STXBP3: variants seen among roughly 807,000 people sequenced by gnomAD.
The protein encoded by STXBP3 is syntaxin-binding protein 3.
STXBP3 carries 41 observed loss-of-function variants against 85.7 expected under a neutral mutation model. The observed-to-expected ratio is 0.48, with a 90% confidence interval of 0.37 to 0.62. The LOEUF is 0.62. Ranked by LOEUF, STXBP3 falls within the 20% of genes least tolerant of loss-of-function variation. STXBP3 has a pLI of 0.00. For missense variants in STXBP3, 563 were observed against 703.1 expected (o/e 0.80, Z 2.25); for synonymous variants, 229 against 231.7 (o/e 0.99, Z 0.10).
In STXBP3 at chr1:108,757,942, T is replaced by C. The variant is rs529636738; in HGVS notation, c.259-568T>C. 1.2e-4 allele frequency among the ~76,000 whole-genome samples: 18 copies of C among 152,224 alleles called. No homozygotes were observed. In the South Asian group the frequency reaches 3.7e-3, roughly 32 times the overall value. On this transcript the variant is annotated intron_variant, in intron 4 of 18. Coordinates refer to ENST00000370008, the MANE Select transcript of STXBP3 (RefSeq NM_007269.4). ...AAATAATTTTTCTAGGGGTTGTTAG[T>C]GACCTAGATAAATGTTCATTTTGAA... is the stretch of plus-strand genomic sequence containing the variant.
At chr1:108,763,751 T>A (rs895803762) in intron 6 of STXBP3, among the ~76,000 whole-genome samples, 1 of 18,650 alleles carries the variant, frequency 5.4e-5, no homozygotes, top group East Asian at 3.3e-4. Flanking sequence ...AATTTTGTAT[T>A]TTTTTTTTTT....
chr1:108,764,160 T>G (rs1341904583), intron 6 of STXBP3, among the ~76,000 whole-genome samples: 1 of 152,178 alleles, frequency 6.6e-6, no homozygotes, highest in Non-Finnish European at 1.5e-5. Flanking sequence ...CCTGCATTAG[T>G]TTGCTAAGGA....
intron 7 of STXBP3, among the ~76,000 whole-genome samples, chr1:108,773,466 G>A (rs1453469804): frequency 7.9e-5 from 12 of 152,072 alleles, no homozygotes; most frequent in Admixed American, 7.9e-4. Context: ...ATAAAGACCT[G>A]AAACACTTCG....
At chr1:108,792,423 A>G (rs902045959) in intron 11 of STXBP3, among the ~76,000 whole-genome samples, 4 of 152,200 alleles carry the variant, frequency 2.6e-5, no homozygotes, top group Admixed American at 6.5e-5. Context: ...GGCATGTAAT[A>G]TGTTTATACG....
At chr1:108,788,829 A>G (rs1319086816) in intron 11 of STXBP3, among the ~76,000 whole-genome samples, 1 of 152,116 alleles carries the variant, frequency 6.6e-6, no homozygotes, top group Non-Finnish European at 1.5e-5. Context: ...GGGGAGGCCA[A>G]GGCAGACGGA....
chr1:108,800,244 T>C lies in STXBP3; in HGVS notation c.1474T>C (p.Ser492Pro). Residue 492 changes from serine (S) to proline (P), a missense_variant, in exon 17 of 19, where the codon TCA (serine) becomes CCA (proline). Ser to Pro is a moderately conservative substitution (Grantham distance 74). This residue lies in a region of STXBP3 where 494 missense variants were observed against 592.8 expected (regional missense o/e 0.83). Transcript: ENST00000370008. ...GGATGCTATTGATAATAGATTAGATTCAAAAGAATGGCCATATTGTTCCCA... is the reference window on the plus strand; with the variant it reads ...GGATGCTATTGATAATAGATTAGATCCAAAAGAATGGCCATATTGTTCCCA... The part of the protein sequence containing the change: ...MEDAIDNRLD[S>P]KEWPYCSQCP... The C allele has an allele frequency of 1.2e-6, 2 of 1,611,852 alleles. No homozygotes were observed. The highest frequency in any genetic ancestry group is 1.7e-6 in the Non-Finnish European group (2 of 1,178,102).
chr1:108,762,077 T>C (rs549103096), intron 6 of STXBP3, among the ~76,000 whole-genome samples: 12 of 152,322 alleles, frequency 7.9e-5, no homozygotes, highest in African/African-American at 2.6e-4. Flanking sequence ...GTAAATGAAA[T>C]ACTACTAGGT....
At chr1:108,806,976 G>A (rs1663349915) in intron 17 of STXBP3, among the ~76,000 whole-genome samples, 2 of 152,136 alleles carry the variant, frequency 1.3e-5, no homozygotes, top group Admixed American at 6.5e-5. Context: ...TAATTGGGCC[G>A]GGCGCGGTGG....
At chr1:108,774,018 G>A (rs908544472) in intron 7 of STXBP3, among the ~76,000 whole-genome samples, 20 of 151,970 alleles carry the variant, frequency 1.3e-4, no homozygotes, top group South Asian at 2.1e-4. Context: ...CAGCTCTCCC[G>A]TCCCTTTTCT....
rs141299181 is a variant in STXBP3 at position 108,803,778 on chromosome 1, G to A, written c.1535+3473G>A. 8.2e-3 allele frequency among the ~76,000 whole-genome samples: 1,250 copies of A among 152,228 alleles called. 16 individuals are homozygous for A. The highest frequency in any genetic ancestry group is 0.029 in the African/African-American group (1,198 of 41,548). ...TGGGATTACAGGTGTGCGCCACTAC[G>A]CCTGGCCAGCGGTGGTAGTCTTTAC... On this transcript the variant is annotated intron_variant, in intron 17 of 18. Coordinates refer to ENST00000370008, the MANE Select transcript of STXBP3 (RefSeq NM_007269.4).
chr1:108,754,392 T>C (rs1204864676), intron 3 of STXBP3, among the ~76,000 whole-genome samples: 3 of 152,196 alleles, frequency 2.0e-5, no homozygotes, highest in Non-Finnish European at 2.9e-5. Context: ...TGACCCTCAA[T>C]GTAAAAAGCT....
At chr1:108,758,419 A>T in intron 4 of STXBP3, 91 bp from the exon 5 acceptor site, 3 of 628,608 alleles carry the variant, frequency 4.8e-6, no homozygotes, top group Non-Finnish European at 7.5e-6. Context: ...TTATTTTGTC[A>T]CTGAAATAAA....
At chr1:108,770,908 C>A (rs1306653019) in intron 6 of STXBP3, among the ~76,000 whole-genome samples, 1 of 152,016 alleles carries the variant, frequency 6.6e-6, no homozygotes, top group African/African-American at 2.4e-5. Context: ...ATGTCTAGCA[C>A]AATGCCATGT....
At chr1:108,765,975 C>A (rs1175630851) in intron 6 of STXBP3, among the ~76,000 whole-genome samples, 1 of 151,216 alleles carries the variant, frequency 6.6e-6, no homozygotes, top group South Asian at 2.1e-4. Flanking sequence ...GATTCAGCCT[C>A]CCGAGTAGCT....
At position 108,807,526 on chromosome 1, in the gene STXBP3, A is replaced by G. The variant is rs1663365034; in HGVS notation, c.1661A>G (p.His554Arg). 1 of 1,608,722 alleles carries G rather than the reference A, an allele frequency of 6.2e-7. No individual in the cohort carries two copies. The highest frequency in any genetic ancestry group is 8.5e-7 in the Non-Finnish European group (1 of 1,178,614). ...TGTGCTTATGAAGTTTCTCAGGCAC[A>G]TAAATCCTGTGAAGTTATTATTGGT... ...VRCAYEVSQAHKSCEVIIGST... is the reference protein window; with the variant it reads ...VRCAYEVSQARKSCEVIIGST... Residue 554 changes from histidine (H) to arginine (R), a missense_variant, in exon 18 of 19, where the codon CAT (histidine) becomes CGT (arginine). Transcript: ENST00000370008.
intron 3 of STXBP3, among the ~76,000 whole-genome samples, chr1:108,754,096 G>A (rs928419540): frequency 2.7e-4 from 40 of 148,886 alleles, no homozygotes; most frequent in African/African-American, 2.5e-4. Context: ...GCAGTAGTGC[G>A]ATTTTGGCTC....
chr1:108,753,091 A>G lies in STXBP3; in HGVS notation c.128A>G (p.Lys43Arg). ...KIMLLDEFTT[K>R]LLASCCKMTD... The stretch of plus-strand genomic sequence containing the variant: ...ATGCTTTTAGATGAATTTACCACTA[A>G]GCTTTTGGCATCGTGTTGCAAAATG... The change falls in exon 3 of 19, where the codon AAG becomes AGG. Residue 43 changes from lysine (K) to arginine (R), a missense_variant. Lys to Arg is a conservative substitution (Grantham distance 26, BLOSUM62 2). Coordinates refer to ENST00000370008, the MANE Select transcript of STXBP3 (RefSeq NM_007269.4). 4 of 1,586,640 alleles carry G rather than the reference A, an allele frequency of 2.5e-6. No individual in the cohort carries two copies. Among genetic ancestry groups the G allele is most frequent in the Non-Finnish European group, 3.4e-6 (4 of 1,168,162 alleles).
intron 11 of STXBP3, among the ~76,000 whole-genome samples, chr1:108,785,394 A>G (rs1164598354): frequency 2.0e-5 from 3 of 152,176 alleles, no homozygotes. Flanking sequence ...CCTGAGTTCT[A>G]CTTTGGCCCC....
chr1:108,796,748 A>G (rs959357046), intron 15 of STXBP3, 22 bp downstream of exon 15: 7 of 1,582,116 alleles, frequency 4.4e-6, no homozygotes, highest in Non-Finnish European at 6.1e-6. Flanking sequence ...TATGTTGTGT[A>G]TATACTTTAT....
Sources: gnomAD v4.1 joint callset for allele counts (sites outside exome capture counted in the v4.1 genomes callset) on GRCh38, gnomAD v4.1.1 for gene constraint, gnomAD v4.1.1 regional missense constraint, MANE v1.5 for transcripts, NCBI Gene and HGNC (gene_info 2026-07-23, HGNC 2026-07-21) for gene names.